Variants in PRXL2C observed in about 807,000 individuals in gnomAD.
PRXL2C encodes the protein peroxiredoxin like 2C, also known as peroxiredoxin-like 2C.
A neutral mutation model predicts 24.9 loss-of-function variants in PRXL2C; 38 were observed. That is an observed-to-expected ratio of 1.53 (90% CI 1.18 to 2.00). The LOEUF (loss-of-function observed/expected upper bound fraction) is 2.00. Among genes scored for constraint, PRXL2C ranks in the 30% most tolerant of loss-of-function variants. PRXL2C has a pLI of 0.00. For missense variants in PRXL2C, 294 were observed against 290.9 expected (o/e 1.01, Z -0.08); for synonymous variants, 98 against 117.2 (o/e 0.84, Z 1.06).
At chr9:96,645,554 TTGGGAGGCCGAGG>T (rs1240604736) in intron 5 of PRXL2C, among the ~76,000 whole-genome samples, 6 of 151,390 alleles carry the variant, frequency 4.0e-5, no homozygotes, top group Admixed American at 2.0e-4. Flanking sequence ...TCCCAACACT[TTGGGAGGCCGAGG>T]TGGGTGGATC....
At chr9:96,642,342 C>A (rs1848128542) in intron 5 of PRXL2C, among the ~76,000 whole-genome samples, 1 of 152,028 alleles carries the variant, frequency 6.6e-6, no homozygotes. Flanking sequence ...GTATTATAAC[C>A]ATAGCCCAAA....
At chr9:96,654,644 C>G in intron 2 of PRXL2C, 61 bp downstream of exon 2, 2 of 1,499,726 alleles carry the variant, frequency 1.3e-6, no homozygotes, top group African/African-American at 1.4e-5. Flanking sequence ...CGCGTCCTCC[C>G]CCGCCCCGCT....
chr9:96,652,520 C>CA (rs1254621971), intron 2 of PRXL2C, among the ~76,000 whole-genome samples: 1,269 of 56,120 alleles, frequency 0.023, 9 homozygotes, highest in African/African-American at 0.054. Context: ...GACTCCGCCT[C>CA]AAAAAAAAAA....
At chr9:96,653,423 T>C (rs1848301960) in intron 2 of PRXL2C, among the ~76,000 whole-genome samples, 1 of 152,172 alleles carries the variant, frequency 6.6e-6, no homozygotes, top group Non-Finnish European at 1.5e-5. Flanking sequence ...TAATGATGGT[T>C]ACCAGAGACT....
At chr9:96,650,478 C>CTA (rs1417612879) in intron 4 of PRXL2C, among the ~76,000 whole-genome samples, 1 of 152,088 alleles carries the variant, frequency 6.6e-6, no homozygotes. Context: ...CTTCAACTAA[C>CTA]TATACTCTCT....
At chr9:96,654,678 C>G in intron 2 of PRXL2C, 27 bp downstream of exon 2, 2 of 1,552,002 alleles carry the variant, frequency 1.3e-6, no homozygotes, top group Non-Finnish European at 8.7e-7. Context: ...GAAGCGGGCA[C>G]TGGGCCGCCC....
chr9:96,654,883 G>T, intron 1 of PRXL2C, 110 bp from the exon 2 acceptor site: 2 of 1,251,262 alleles, frequency 1.6e-6, no homozygotes, highest in Non-Finnish European at 2.1e-6. Context: ...CGCCCGCGGG[G>T]CCGGGACCGG....
rs1306134463 is a variant in PRXL2C at position 96,645,930 on chromosome 9, G to A, written c.516C>T (p.Asp172=). 6.2e-7 allele frequency: 1 copy of A among 1,613,384 alleles called. No homozygotes were observed. The highest frequency in any genetic ancestry group is 1.7e-5 in the Admixed American group (1 of 59,950). The part of the protein sequence containing the change: ...VTGPLFDFQG[D]PAQQGGTLIL... ...TGAGGGTTCCACCTTGCTGAGCTGG[G>A]TCTCCTTGAAAATCAAAGAGAGGGC... Residue 172 remains aspartate, a synonymous_variant, in exon 5 of 6, where the codon GAC becomes GAT. Coordinates refer to ENST00000375234, the MANE Select transcript of PRXL2C (RefSeq NM_153698.2).
At chr9:96,646,891 A>G (rs1012167925) in intron 4 of PRXL2C, among the ~76,000 whole-genome samples, 2 of 152,176 alleles carry the variant, frequency 1.3e-5, no homozygotes, top group African/African-American at 4.8e-5. Context: ...TCTGGATTCA[A>G]GCAATTCTCC....
Position 96,641,491 on chromosome 9 carries a change from T to C in PRXL2C, c.*268A>G. 3 of 248,802 alleles carry C rather than the reference T, an allele frequency of 1.2e-5. No individual in the cohort carries two copies. The highest frequency in any genetic ancestry group is 5.3e-5 in the Admixed American group (1 of 18,732). The allele number at this position is 248,802 out of a possible 1,614,324, so 15.4% of individuals were successfully genotyped here. ...AATGTAAAATAATTTAGAGTATTTATGATTTTATAGCTTTTAAAGTTATAT... is the reference window on the plus strand; with the variant it reads ...AATGTAAAATAATTTAGAGTATTTACGATTTTATAGCTTTTAAAGTTATAT... On this transcript the variant is annotated 3_prime_UTR_variant, in exon 6 of 6. Transcript: ENST00000375234.
intron 4 of PRXL2C, among the ~76,000 whole-genome samples, chr9:96,647,939 C>A (rs746334639): frequency 1.3e-5 from 2 of 150,812 alleles, no homozygotes; most frequent in Non-Finnish European, 3.0e-5. Flanking sequence ...GGAGTCAATC[C>A]GTCACCCAGG....
At chr9:96,651,743 C>A (rs1316698086) in intron 2 of PRXL2C, 31 bp from the exon 3 acceptor site, 1 of 1,557,590 alleles carries the variant, frequency 6.4e-7, no homozygotes, top group Non-Finnish European at 8.8e-7. Flanking sequence ...ATGTATATAT[C>A]ATTAGAAATT....
At chr9:96,643,089 T>G (rs986291036) in intron 5 of PRXL2C, among the ~76,000 whole-genome samples, 2 of 152,158 alleles carry the variant, frequency 1.3e-5, no homozygotes, top group African/African-American at 4.8e-5. Context: ...GTGCATAGGT[T>G]AGATCCAAAT....
intron 5 of PRXL2C, among the ~76,000 whole-genome samples, chr9:96,642,214 A>T (rs1342033241): frequency 6.6e-6 from 1 of 152,176 alleles, no homozygotes; most frequent in Non-Finnish European, 1.5e-5. Flanking sequence ...ACTCACATAG[A>T]TATCAAGCTG....
chr9:96,647,599 T>C (rs551142320), intron 4 of PRXL2C, among the ~76,000 whole-genome samples: 1 of 152,260 alleles, frequency 6.6e-6, no homozygotes, highest in Non-Finnish European at 1.5e-5. Flanking sequence ...CATAGCTCAC[T>C]GCAGCCTCAA....
intron 2 of PRXL2C, among the ~76,000 whole-genome samples, chr9:96,653,182 G>A (rs1012788532): frequency 2.0e-5 from 3 of 151,180 alleles, no homozygotes; most frequent in Non-Finnish European, 4.4e-5. Flanking sequence ...AGCTGAGATC[G>A]CGCCACTGCA....
chr9:96,648,139 G>T (rs1244594008), intron 4 of PRXL2C, among the ~76,000 whole-genome samples: 2 of 152,106 alleles, frequency 1.3e-5, no homozygotes, highest in Non-Finnish European at 2.9e-5. Context: ...CTACACTCAA[G>T]AAGTCCTCCC....
rs750121182 is a variant in PRXL2C at position 96,641,782 on chromosome 9, T to C, written c.658A>G (p.Arg220Gly). Residue 220 changes from arginine to glycine, a missense_variant, in exon 6 of 6, where the codon AGA becomes GGA. Transcript: ENST00000375234. ...AGTCACACATGGATAACTGAAGGTC[T>C]GTTTGTAAAGTTCACATGCTGAACT... is the stretch of plus-strand genomic sequence containing the variant. ...VGVQHVNFTNRPSVIHV is the reference protein window; with the variant it reads ...VGVQHVNFTNGPSVIHV The C allele has an allele frequency of 6.3e-7, 1 of 1,577,066 alleles. No homozygotes were observed. Among genetic ancestry groups the C allele is most frequent in the Non-Finnish European group, 8.7e-7 (1 of 1,152,728 alleles).
Position 96,654,761 on chromosome 9 carries a change from A to G in PRXL2C, c.205T>C (p.Tyr69His). The change falls in exon 2 of 6, where the codon TAC becomes CAC. Residue 69 changes from tyrosine (Y) to histidine (H), a missense_variant. Tyr to His is a moderately conservative substitution (Grantham distance 83). Transcript: ENST00000375234. The stretch of plus-strand genomic sequence containing the variant: ...TCCTCTACGTATTCCTTGCAGATGT[A>G]ACACAGGAAATGCTGAAAGCCAAAA... ...VVVFVRHFLC[Y>H]ICKEYVEDLA... The G allele has an allele frequency of 6.4e-7, 1 of 1,564,334 alleles. No individual in the cohort carries two copies. The highest frequency in any genetic ancestry group is 8.7e-7 in the Non-Finnish European group (1 of 1,153,098).
Sources: gnomAD v4.1 joint callset for allele counts (sites outside exome capture counted in the v4.1 genomes callset) on GRCh38, gnomAD v4.1.1 for gene constraint, MANE v1.5 for transcripts, NCBI Gene and HGNC (gene_info 2026-07-23, HGNC 2026-07-21) for gene names.